The following MAD1L1 variants were observed in gnomAD, a reference collection of about 807,000 sequenced individuals.
MAD1L1 encodes the protein mitotic arrest deficient 1 like 1, also known as mitotic spindle assembly checkpoint protein MAD1.
Under a neutral mutation model 96.9 loss-of-function variants are expected in MAD1L1, and 95 were observed. That is an observed-to-expected ratio of 0.98 (90% CI 0.83 to 1.16). The LOEUF (loss-of-function observed/expected upper bound fraction) is 1.16. Ranked by LOEUF, MAD1L1 falls within the 50% of genes most tolerant of loss-of-function variation. The pLI, the probability that MAD1L1 is intolerant of heterozygous loss-of-function variation, is 0.00. For synonymous variants in MAD1L1, 473 were observed against 396.6 expected (o/e 1.19, Z -2.29); for missense variants, 1,007 against 954.4 (o/e 1.06, Z -0.73).
At chr7:1,899,093 C>T (rs183210194) in intron 17 of MAD1L1, among the ~76,000 whole-genome samples, 3 of 152,328 alleles carry the variant, frequency 2.0e-5, no homozygotes, top group Admixed American at 6.5e-5. Context: ...GGCCCACTGC[C>T]CCTGACATGG....
In MAD1L1 at chr7:2,069,246, G is replaced by A. The variant is rs202079408; in HGVS notation, c.1166C>T (p.Thr389Ile). ...GAGCCTCCGGGCCAGCGCCTCGTGG[G>A]TCTCGCGCTTCTTCCTCTCCTCCAA... ...QLLEERKKRETHEALARRLQK... is the reference protein window; with the variant it reads ...QLLEERKKREIHEALARRLQK... The change falls in exon 12 of 19, where the codon ACC becomes ATC. Residue 389 changes from threonine (T) to isoleucine (I), a missense_variant. Physicochemically the swap from Thr to Ile is moderately conservative, Grantham distance 89. Transcript: ENST00000265854. 74 of 1,611,968 alleles carry A rather than the reference G, an allele frequency of 4.6e-5. No individual in the cohort carries two copies. In the South Asian group the frequency reaches 5.2e-4, roughly 11 times the overall value.
chr7:2,228,329 G>A (rs1434976268), intron 3 of MAD1L1, among the ~76,000 whole-genome samples: 3 of 151,694 alleles, frequency 2.0e-5, no homozygotes, highest in South Asian at 4.2e-4. Flanking sequence ...TGGCGCGATG[G>A]CTCACTGCAA....
intron 15 of MAD1L1, among the ~76,000 whole-genome samples, chr7:1,970,139 C>T (rs925687271): frequency 1.3e-5 from 2 of 152,048 alleles, no homozygotes; most frequent in Non-Finnish European, 2.9e-5. Context: ...TGGAAAAAGC[C>T]GAGCCGCAGA....
intron 11 of MAD1L1, among the ~76,000 whole-genome samples, chr7:2,097,267 C>G (rs997731099): frequency 1.3e-5 from 2 of 152,172 alleles, no homozygotes; most frequent in African/African-American, 4.8e-5. Flanking sequence ...CCACTCAGGC[C>G]TCAACGTCCT....
intron 18 of MAD1L1, among the ~76,000 whole-genome samples, chr7:1,845,037 G>A (rs149342113): frequency 3.0e-4 from 45 of 152,350 alleles, no homozygotes; most frequent in Non-Finnish European, 3.2e-4. Flanking sequence ...CACAGGGTCT[G>A]TGCAGCCAAG....
chr7:2,231,068 T>C (rs1370709849), intron 1 of MAD1L1, among the ~76,000 whole-genome samples: 2 of 152,100 alleles, frequency 1.3e-5, no homozygotes, highest in African/African-American at 2.4e-5. Flanking sequence ...ATCCCAGCAC[T>C]TCGGGAGGCG....
chr7:2,018,235 G>T (rs902462709), intron 12 of MAD1L1, among the ~76,000 whole-genome samples: 1 of 152,210 alleles, frequency 6.6e-6, no homozygotes, highest in African/African-American at 2.4e-5. Flanking sequence ...AAAACAAAGA[G>T]CCTCTCTGAG....
intron 18 of MAD1L1, among the ~76,000 whole-genome samples, chr7:1,818,407 C>T (rs180862200): frequency 6.6e-5 from 10 of 151,600 alleles, no homozygotes; most frequent in African/African-American, 2.2e-4. Flanking sequence ...TTTTTAGAGA[C>T]GAGTCTCACT....
At chr7:1,934,957 C>A (rs1198730247) in intron 17 of MAD1L1, among the ~76,000 whole-genome samples, 2 of 151,584 alleles carry the variant, frequency 1.3e-5, no homozygotes, top group South Asian at 2.1e-4. Context: ...GAGACCCAGA[C>A]AACAAGGGAA....
intron 15 of MAD1L1, among the ~76,000 whole-genome samples, chr7:1,964,177 G>A (rs1780064868): frequency 6.6e-6 from 1 of 152,214 alleles, no homozygotes; most frequent in Non-Finnish European, 1.5e-5. Context: ...TGCCCAAGGT[G>A]ATGAGTGACG....
At chr7:2,011,675 G>T (rs1310573547) in intron 13 of MAD1L1, among the ~76,000 whole-genome samples, 1 of 152,222 alleles carries the variant, frequency 6.6e-6, no homozygotes. Flanking sequence ...AAGGCATCAG[G>T]TCACGCTGTC....
chr7:1,826,255 C>T (rs1487690528), intron 18 of MAD1L1, among the ~76,000 whole-genome samples: 14 of 152,144 alleles, frequency 9.2e-5, no homozygotes, highest in Non-Finnish European at 1.8e-4. Context: ...CAGCCACCAC[C>T]GAGCCCTGAC....
chr7:1,967,787 C>A (rs1181818339), intron 15 of MAD1L1, among the ~76,000 whole-genome samples: 1 of 152,238 alleles, frequency 6.6e-6, no homozygotes, highest in African/African-American at 2.4e-5. Flanking sequence ...CGCAGCGAAA[C>A]AAGTCCCGCT....
rs1039558142 is a variant in MAD1L1, at chr7:2,146,446, GC to G, written c.1073+2705del. On this transcript the variant is annotated intron_variant, in intron 11 of 18. Transcript: ENST00000265854. The surrounding 1 kb of genome is among the most constrained non-coding windows in gnomAD (Gnocchi z 6.2). ...GGGCAGTGGAGCCGCACCCTGAGAA[GC>G]TCCTCAGATGGCGAGAACAGCGTTC... Among the ~76,000 whole-genome samples, 2 of 152,206 alleles carry G rather than the reference GC, an allele frequency of 1.3e-5. No individual in the cohort carries two copies. Among genetic ancestry groups the G allele is most frequent in the African/African-American group, 4.8e-5 (2 of 41,460 alleles).
intron 12 of MAD1L1, among the ~76,000 whole-genome samples, chr7:2,053,840 A>G (rs1784284641): frequency 1.3e-5 from 2 of 152,232 alleles, no homozygotes; most frequent in African/African-American, 2.4e-5. Flanking sequence ...CAAAAAAGAA[A>G]GTAGACCTGG....
intron 12 of MAD1L1, among the ~76,000 whole-genome samples, chr7:2,061,791 T>C (rs972770743): frequency 6.6e-6 from 1 of 152,238 alleles, no homozygotes; most frequent in East Asian, 1.9e-4. Flanking sequence ...TTTTAAAAAG[T>C]GGTATTTTTA....
intron 18 of MAD1L1, among the ~76,000 whole-genome samples, chr7:1,886,756 A>G (rs901089728): frequency 6.6e-6 from 1 of 152,266 alleles, no homozygotes; most frequent in African/African-American, 2.4e-5. Flanking sequence ...GTGGCCAGGC[A>G]CATGGCACTG....
chr7:2,056,105 C>A (rs1226292106), intron 12 of MAD1L1, among the ~76,000 whole-genome samples: 2 of 152,208 alleles, frequency 1.3e-5, no homozygotes, highest in South Asian at 2.1e-4. Context: ...CAGAGCTGAC[C>A]CCCCGACGCC....
At chr7:1,847,401 T>G in intron 18 of MAD1L1, 1 of 470,678 alleles carries the variant, frequency 2.1e-6, no homozygotes, top group Non-Finnish European at 4.4e-6. Flanking sequence ...TGGGAAGATG[T>G]GGGGGGCCCG....
Sources: gnomAD v4.1 joint callset for allele counts (sites outside exome capture counted in the v4.1 genomes callset) on GRCh38, gnomAD v4.1.1 for gene constraint, Gnocchi (gnomAD v3.1) non-coding constraint, MANE v1.5 for transcripts, NCBI Gene and HGNC (gene_info 2026-07-23, HGNC 2026-07-21) for gene names.